The following RCCD1 variants were observed in gnomAD, a reference collection of about 807,000 sequenced individuals.
RCCD1 encodes the protein RCC1 domain containing 1, also known as RCC1 domain-containing protein 1.
Under a neutral mutation model 37.6 loss-of-function variants are expected in RCCD1, and 40 were observed. The ratio of observed to expected loss-of-function variants is 1.06; its 90% CI spans 0.83 to 1.39. The LOEUF is 1.39. Among genes scored for constraint, RCCD1 ranks in the 40% most tolerant of loss-of-function variants. RCCD1 has a pLI of 0.00. For missense variants in RCCD1, 577 were observed against 517.3 expected (o/e 1.12, Z -1.12); for synonymous variants, 263 against 230.0 (o/e 1.14, Z -1.30).
At chr15:90,961,505 G>C (rs1251879394) in intron 7 of RCCD1, 113 bp from the exon 8 acceptor site, 1 of 1,248,762 alleles carries the variant, frequency 8.0e-7, no homozygotes, top group African/African-American at 1.5e-5. Flanking sequence ...TGGATTCACA[G>C]AGCAGTGGGG....
chr15:90,961,273 G>C (rs1038173374), intron 7 of RCCD1: 2 of 598,898 alleles, frequency 3.3e-6, no homozygotes, highest in Non-Finnish European at 3.0e-6. Context: ...GGTACCACCC[G>C]CCTACCTCTC....
At chr15:90,961,366 T>C (rs2037311048) in intron 7 of RCCD1, 1 of 580,660 alleles carries the variant, frequency 1.7e-6, no homozygotes, top group African/African-American at 1.9e-5. Flanking sequence ...AGAAAAAGAT[T>C]CGATGGAAGT....
chr15:90,956,153 G>A (rs2037187725), intron 1 of RCCD1, among the ~76,000 whole-genome samples: 1 of 152,216 alleles, frequency 6.6e-6, no homozygotes. Flanking sequence ...GAGTTGCAGA[G>A]GCACTGCCTC....
rs749760215 is a variant in RCCD1 at position 90,957,509 on chromosome 15, C to T, written c.557+6C>T. On this transcript the variant is annotated splice_donor_region_variant and intron_variant, in intron 3 of 7. Coordinates refer to ENST00000394258, the MANE Select transcript of RCCD1 (RefSeq NM_001017919.2). ...TTCTCCTGGGGCGGGGGCAGGTGAG[C>T]GGAGGCGGGGGCAGGTGAGGGCTGC... 1.9e-6 allele frequency: 3 copies of T among 1,573,828 alleles called. No homozygotes were observed. The highest frequency in any genetic ancestry group is 8.6e-7 in the Non-Finnish European group (1 of 1,162,702).
intron 4 of RCCD1, among the ~76,000 whole-genome samples, chr15:90,958,512 T>C (rs2037248058): frequency 1.3e-5 from 2 of 150,710 alleles, no homozygotes; most frequent in African/African-American, 4.9e-5. Context: ...CCTGTAGTCC[T>C]GGCTACTCGG....
chr15:90,958,964 A>C (rs1368435027), intron 4 of RCCD1, among the ~76,000 whole-genome samples: 3 of 150,702 alleles, frequency 2.0e-5, no homozygotes, highest in Admixed American at 6.6e-5. Context: ...AAAAAAAAAA[A>C]ACCCCAACCT....
rs1040703588 is a variant in RCCD1 at position 90,959,901 on chromosome 15, G to C, written c.681G>C (p.Glu227Asp). 5 of 1,609,594 alleles carry C rather than the reference G, an allele frequency of 3.1e-6. No homozygotes were observed. The Admixed American group carries it at 6.7e-5, about 22-fold the overall frequency. The change falls in exon 5 of 8, where the codon GAG (glutamate) becomes GAC (aspartate). Residue 227 changes from glutamate to aspartate, a missense_variant and splice_region_variant. Glu to Asp is a conservative substitution (Grantham distance 45). Coordinates refer to ENST00000394258, the MANE Select transcript of RCCD1 (RefSeq NM_001017919.2). ...ATGTGTCCCCTTGATCTCTTTCAGA[G>C]ACTGGGGATATTTATATCTGGGGCT... ...AGGWHSVCVS[E>D]TGDIYIWGWN...
In RCCD1 at chr15:90,961,971, A is replaced by G. The variant is rs1301536694; in HGVS notation, c.*202A>G. On this transcript the variant is annotated 3_prime_UTR_variant, in exon 8 of 8. Coordinates refer to ENST00000394258, the MANE Select transcript of RCCD1 (RefSeq NM_001017919.2). ...ACTCTGCTGCCTAAGGTCAGCATCA[A>G]TCAAAACAATGAAATCAATGAAACA... The G allele has an allele frequency of 7.4e-6, 3 of 407,990 alleles. No individual in the cohort carries two copies. The highest frequency in any genetic ancestry group is 4.0e-5 in the African/African-American group (2 of 49,526). The allele number at this position is 407,990 out of a possible 1,614,324, so 25.3% of individuals were successfully genotyped here.
chr15:90,956,586 A>G (rs1485027855), intron 1 of RCCD1, 26 bp from the exon 2 acceptor site: 11 of 753,242 alleles, frequency 1.5e-5, no homozygotes, highest in Non-Finnish European at 2.0e-5. Flanking sequence ...TGTGGTCGGG[A>G]GAATGATAGT....
chr15:90,958,725 C>G (rs1050369909), intron 4 of RCCD1, among the ~76,000 whole-genome samples: 16 of 151,532 alleles, frequency 1.1e-4, no homozygotes, highest in African/African-American at 3.6e-4. Flanking sequence ...CTCAGGAAAC[C>G]CTGGGCTGAG....
chr15:90,957,601 C>T lies in RCCD1; in HGVS notation c.558-3C>T, dbSNP rs576616360. On this transcript the variant is annotated splice_region_variant and splice_polypyrimidine_tract_variant and intron_variant, in intron 3 of 7. Coordinates refer to ENST00000394258, the MANE Select transcript of RCCD1 (RefSeq NM_001017919.2). ...GTAGCTGACGACGGTCTCCCTTGCT[C>T]AGGCATGGACAGCTGGGCCATGGGA... is the stretch of plus-strand genomic sequence containing the variant. 15 of 1,614,052 alleles carry T rather than the reference C, an allele frequency of 9.3e-6. No individual in the cohort carries two copies. The highest frequency in any genetic ancestry group is 5.0e-5 in the Admixed American group (3 of 60,026).
chr15:90,960,054 A>G, intron 5 of RCCD1, 56 bp downstream of exon 5: 2 of 1,399,528 alleles, frequency 1.4e-6, no homozygotes, highest in Non-Finnish European at 2.0e-6. Context: ...TGTCATTCCT[A>G]ACTCCTGGCT....
chr15:90,958,939 AAAAAAAAAAAAAAC>A (rs1468498754), intron 4 of RCCD1, among the ~76,000 whole-genome samples: 2 of 91,862 alleles, frequency 2.2e-5, no homozygotes, highest in African/African-American at 1.5e-4. Flanking sequence ...GTCTGTCTAA[AAAAAAAAAAAAAAC>A]AAAAAAAAAA....
chr15:90,956,664 C>T lies in RCCD1; in HGVS notation c.-71C>T. ...CAGAGACTTGCCAGTGTCCCACTAG[C>T]GGGCTCTTCGCAAGAATCCCCCCGG... is the stretch of plus-strand genomic sequence containing the variant. On this transcript the variant is annotated 5_prime_UTR_variant, in exon 2 of 8. Transcript: ENST00000394258. The T allele has an allele frequency of 8.2e-7, 1 of 1,216,610 alleles. No homozygotes were observed. The highest frequency in any genetic ancestry group is 1.0e-6 in the Non-Finnish European group (1 of 972,562). 75.4% of individuals were successfully genotyped at this position (1,216,610 alleles called of 1,614,324 possible). A position where few individuals can be genotyped will look rare whatever the true frequency, so the allele number is the denominator to read the frequency against.
Position 90,959,892 on chromosome 15 carries a change from T to C in RCCD1, c.680-8T>C. On this transcript the variant is annotated splice_polypyrimidine_tract_variant and splice_region_variant and intron_variant, in intron 4 of 7. Coordinates refer to ENST00000394258, the MANE Select transcript of RCCD1 (RefSeq NM_001017919.2). ...GTCTGTTTCATGTGTCCCCTTGATC[T>C]CTTTCAGAGACTGGGGATATTTATA... is the stretch of plus-strand genomic sequence containing the variant. The C allele has an allele frequency of 6.2e-7, 1 of 1,603,266 alleles. No homozygotes were observed. The highest frequency in any genetic ancestry group is 8.5e-7 in the Non-Finnish European group (1 of 1,172,520).
intron 2 of RCCD1, 70 bp downstream of exon 2, chr15:90,956,970 G>A: frequency 1.6e-6 from 2 of 1,285,256 alleles, no homozygotes; most frequent in Non-Finnish European, 2.0e-6. Flanking sequence ...CACCGCTGTG[G>A]CCAGTCCAGT....
rs14484 is a variant in RCCD1 at position 90,962,217 on chromosome 15, C to G, written c.*448C>G. ...CTTTTGAGTGTTAGATAAATGGAAT[C>G]CTGTGTATGTGCTTTTGTGTCGTTT... On this transcript the variant is annotated 3_prime_UTR_variant, in exon 8 of 8. Transcript: ENST00000394258. 0.052 allele frequency: 8,042 copies of G among 155,630 alleles called. 295 individuals carry two copies. Among genetic ancestry groups the G allele is most frequent in the South Asian group, 0.14 (729 of 5,146 alleles). 9.6% of individuals were successfully genotyped at this position (155,630 alleles called of 1,614,324 possible). A position where few individuals can be genotyped will look rare whatever the true frequency, so the allele number is the denominator to read the frequency against.
chr15:90,959,328 G>A (rs1265319905), intron 4 of RCCD1, among the ~76,000 whole-genome samples: 3 of 152,212 alleles, frequency 2.0e-5, no homozygotes, highest in Non-Finnish European at 4.4e-5. Flanking sequence ...TTAGAATTAG[G>A]CAGCTGTTCC....
intron 4 of RCCD1, among the ~76,000 whole-genome samples, chr15:90,959,016 C>T (rs893890098): frequency 1.1e-4 from 16 of 151,498 alleles, no homozygotes; most frequent in African/African-American, 3.2e-4. Flanking sequence ...CCCAGTGGGA[C>T]GCCCTGCACT....
Sources: gnomAD v4.1 joint callset for allele counts (sites outside exome capture counted in the v4.1 genomes callset) on GRCh38, gnomAD v4.1.1 for gene constraint, MANE v1.5 for transcripts, NCBI Gene and HGNC (gene_info 2026-07-23, HGNC 2026-07-21) for gene names.